The following CSNK1E variants were observed in gnomAD, a reference collection of about 807,000 sequenced individuals.
CSNK1E encodes the protein casein kinase 1 epsilon.
CSNK1E carries 17 observed loss-of-function variants against 46.1 expected under a neutral mutation model. That is an observed-to-expected ratio of 0.37 (90% CI 0.25 to 0.55). CSNK1E has a LOEUF of 0.55. Ranked by LOEUF, CSNK1E falls within the 20% of genes least tolerant of loss-of-function variation. The pLI, the probability that CSNK1E is intolerant of heterozygous loss-of-function variation, is 0.82. For synonymous variants in CSNK1E, 241 were observed against 242.6 expected (o/e 0.99, Z 0.06); for missense variants, 386 against 595.4 (o/e 0.65, Z 3.66).
chr22:38,294,540 G>A lies in CSNK1E; in HGVS notation c.886-6C>T, dbSNP rs2092629868. 6.3e-7 allele frequency: 1 copy of A among 1,577,224 alleles called. No individual in the cohort carries two copies. Among genetic ancestry groups the A allele is most frequent in the Non-Finnish European group, 8.6e-7 (1 of 1,163,396 alleles). On this transcript the variant is annotated splice_polypyrimidine_tract_variant and splice_region_variant and intron_variant, in intron 7 of 10. Transcript: ENST00000396832. This position sits in a 1 kb window ranked among gnomAD's most constrained non-coding sequence, Gnocchi z 5.5. ...TCGGGATTCCGGGCTGCACCCTGCA[G>A]GGATGCAAGAAAAGACACCAGTCAG...
rs2092631844 is a variant in CSNK1E at position 38,294,926 on chromosome 22, C to T, written c.886-392G>A. 6.6e-6 allele frequency among the ~76,000 whole-genome samples: 1 copy of T among 152,204 alleles called. No individual in the cohort carries two copies. Among genetic ancestry groups the T allele is most frequent in the Non-Finnish European group, 1.5e-5 (1 of 68,040 alleles). ...CCTTAACTACTCAAGGTTGCTAAAC[C>T]GAGCAGGAAAGCTGTTTAGAGGCCT... On this transcript the variant is annotated intron_variant, in intron 7 of 10. Coordinates refer to ENST00000396832, the MANE Select transcript of CSNK1E (RefSeq NM_152221.3). The surrounding 1 kb of genome is among the most constrained non-coding windows in gnomAD (Gnocchi z 5.5).
rs908906403 is a variant in CSNK1E at position 38,294,302 on chromosome 22, C to T, written c.1078+40G>A. 7 of 1,595,814 alleles carry T rather than the reference C, an allele frequency of 4.4e-6. No individual in the cohort carries two copies. Among genetic ancestry groups the T allele is most frequent in the Admixed American group, 1.7e-5 (1 of 58,952 alleles). On this transcript the variant is annotated intron_variant, in intron 8 of 10. Transcript: ENST00000396832. The surrounding 1 kb of genome is among the most constrained non-coding windows in gnomAD (Gnocchi z 5.5). ...GAGTAGGCACAAACAGAGCCCCCCA[C>T]CCACCCTGAACCCAGCCCACTGCCT... is the stretch of plus-strand genomic sequence containing the variant.
At chr22:38,310,023 C>T (rs866912652) in intron 2 of CSNK1E, among the ~76,000 whole-genome samples, 3 of 152,290 alleles carry the variant, frequency 2.0e-5, no homozygotes, top group Non-Finnish European at 2.9e-5. Flanking sequence ...GGTTCAGAAA[C>T]GTTAGGTAAC....
rs2092713778 is a variant in CSNK1E at position 38,309,935 on chromosome 22, T to C, written c.76+4147A>G. On this transcript the variant is annotated intron_variant, in intron 2 of 10. Transcript: ENST00000396832. The surrounding 1 kb of genome is among the most constrained non-coding windows in gnomAD (Gnocchi z 4.8). ...GCAGGTCCTGCCACCAATGAGTTCC[T>C]TGGTGGCCTCTAAATTCTATCAGGA... 1.3e-5 allele frequency among the ~76,000 whole-genome samples: 2 copies of C among 152,336 alleles called. No homozygotes were observed. Among genetic ancestry groups the C allele is most frequent in the South Asian group, 4.1e-4 (2 of 4,830 alleles).
intron 9 of CSNK1E, among the ~76,000 whole-genome samples, chr22:38,293,586 C>T (rs1049154925): frequency 2.6e-5 from 4 of 152,060 alleles, no homozygotes; most frequent in Admixed American, 1.3e-4. Flanking sequence ...AGGGTTCTCT[C>T]GCAGGACTCC....
chr22:38,302,763 C>G, intron 4 of CSNK1E, 98 bp downstream of exon 4: 1 of 1,450,390 alleles, frequency 6.9e-7, no homozygotes. Context: ...GGTCCCCTGG[C>G]CCAGGCCCAT....
At position 38,298,670 on chromosome 22, in the gene CSNK1E, A is replaced by T; in HGVS notation, c.885+116T>A. On this transcript the variant is annotated intron_variant, in intron 7 of 10. Transcript: ENST00000396832. This position sits in a 1 kb window ranked among gnomAD's most constrained non-coding sequence, Gnocchi z 4.2. ...CCCAGTGAGGTCAACCACACTGTCC[A>T]GCTCGTACCTCCCGTCTGTCGGGAG... 8.1e-7 allele frequency: 1 copy of T among 1,227,212 alleles called. No homozygotes were observed. Among genetic ancestry groups the T allele is most frequent in the East Asian group, 2.3e-5 (1 of 42,746 alleles). 76.0% of individuals were successfully genotyped at this position (1,227,212 alleles called of 1,614,324 possible). A position where few individuals can be genotyped will look rare whatever the true frequency, so the allele number is the denominator to read the frequency against.
At chr22:38,301,454 A>G (rs1248462684) in intron 4 of CSNK1E, among the ~76,000 whole-genome samples, 3 of 151,486 alleles carry the variant, frequency 2.0e-5, no homozygotes, top group Non-Finnish European at 4.4e-5. Flanking sequence ...TTTTTTTGAG[A>G]TGGAGTCTCG....
Position 38,300,851 on chromosome 22 carries a change from G to A in CSNK1E, c.438C>T (p.Tyr146=). Residue 146 remains tyrosine, a synonymous_variant, in exon 5 of 11, where the codon TAC becomes TAT. Coordinates refer to ENST00000396832, the MANE Select transcript of CSNK1E (RefSeq NM_152221.3). This position sits in a 1 kb window ranked among gnomAD's most constrained non-coding sequence, Gnocchi z 4.4. ...TCTTGGCCAGGCCGAAGTCGATGAT[G>A]TAGACCAGGTTGCCCTTCTTCCCCA... ...MGLGKKGNLV[Y]IIDFGLAKKY... The A allele has an allele frequency of 1.2e-6, 2 of 1,614,252 alleles. No homozygotes were observed. The highest frequency in any genetic ancestry group is 1.7e-6 in the Non-Finnish European group (2 of 1,180,036).
At chr22:38,316,490 GCTTGGGAAT>G (rs1487035760) in intron 1 of CSNK1E, among the ~76,000 whole-genome samples, 1 of 152,238 alleles carries the variant, frequency 6.6e-6, no homozygotes, top group East Asian at 1.9e-4. Context: ...ATTAACAAGA[GCTTGGGAAT>G]CCTCTAACGA....
chr22:38,308,535 C>T (rs1014744864), intron 2 of CSNK1E, among the ~76,000 whole-genome samples: 1 of 152,094 alleles, frequency 6.6e-6, no homozygotes, highest in Admixed American at 6.6e-5. Context: ...CCCTCTGAGC[C>T]CCAGGTACCT....
rs145555706 is a variant in CSNK1E at position 38,302,850 on chromosome 22, C to T, written c.336+11G>A. On this transcript the variant is annotated intron_variant, in intron 4 of 10. Coordinates refer to ENST00000396832, the MANE Select transcript of CSNK1E (RefSeq NM_152221.3). ...GGCATCTGGCTGGGGATGGAGGGGA[C>T]GGGGACTCACCATCTGGTCGGCCAA... The T allele has an allele frequency of 1.8e-4, 288 of 1,613,630 alleles. No individual in the cohort carries two copies. The African/African-American group carries it at 2.1e-3, about 12-fold the overall frequency.
chr22:38,298,254 G>T lies in CSNK1E; in HGVS notation c.885+532C>A. The T allele has an allele frequency of 1.6e-6, 2 of 1,282,144 alleles. No individual in the cohort carries two copies. Among genetic ancestry groups the T allele is most frequent in the Non-Finnish European group, 2.1e-6 (2 of 974,038 alleles). The allele number at this position is 1,282,144 out of a possible 1,614,324, so 79.4% of individuals were successfully genotyped here. On this transcript the variant is annotated intron_variant, in intron 7 of 10. Transcript: ENST00000396832. This position sits in a 1 kb window ranked among gnomAD's most constrained non-coding sequence, Gnocchi z 4.2. ...GACATACAATTTCACAGATTCCAGA[G>T]CTCTGGGTACGGCCGGCCAATGCTG...
chr22:38,300,748 A>C lies in CSNK1E; in HGVS notation c.541T>G (p.Ser181Ala), dbSNP rs2092667614. The change falls in exon 5 of 11, where the codon TCC becomes GCC. Residue 181 changes from serine (S) to alanine (A), a missense_variant. Ser to Ala is a moderately conservative substitution (Grantham distance 99). This residue lies in a region of CSNK1E where 212 missense variants were observed against 410.2 expected (regional missense o/e 0.52). Coordinates refer to ENST00000396832, the MANE Select transcript of CSNK1E (RefSeq NM_152221.3). The surrounding 1 kb of genome is among the most constrained non-coding windows in gnomAD (Gnocchi z 4.4). ...KNLTGTARYASINTHLGIEQS... is the reference protein window; with the variant it reads ...KNLTGTARYAAINTHLGIEQS... Reference sequence around the variant, plus strand: ...CCAATGCCCAGGTGCGTGTTGATGGAAGCGTAGCGGGCCGTGCCGGTCAGG... The same window carrying C: ...CCAATGCCCAGGTGCGTGTTGATGGCAGCGTAGCGGGCCGTGCCGGTCAGG... 4 of 1,614,166 alleles carry C rather than the reference A, an allele frequency of 2.5e-6. No individual in the cohort carries two copies. Among genetic ancestry groups the C allele is most frequent in the Non-Finnish European group, 3.4e-6 (4 of 1,180,010 alleles).
intron 1 of CSNK1E, among the ~76,000 whole-genome samples, chr22:38,315,003 A>G (rs1383360693): frequency 6.6e-6 from 1 of 152,200 alleles, no homozygotes; most frequent in Non-Finnish European, 1.5e-5. Flanking sequence ...GACAGGGACC[A>G]GGGACTGCAG....
chr22:38,301,360 T>C (rs1052089950), intron 4 of CSNK1E, among the ~76,000 whole-genome samples: 2 of 151,386 alleles, frequency 1.3e-5, no homozygotes, highest in African/African-American at 4.9e-5. Flanking sequence ...CAGGAAGAGG[T>C]GACAGAGGCA....
At chr22:38,308,360 G>C (rs766286289) in intron 2 of CSNK1E, among the ~76,000 whole-genome samples, 6 of 152,104 alleles carry the variant, frequency 3.9e-5, no homozygotes, top group Non-Finnish European at 7.4e-5. Context: ...GGTTTCCAGG[G>C]GACAGTGAGG....
At chr22:38,296,125 C>G in intron 7 of CSNK1E, 1 of 986,876 alleles carries the variant, frequency 1.0e-6, no homozygotes. Flanking sequence ...CAGGCTCAGG[C>G]CATTGCCAGC....
intron 1 of CSNK1E, among the ~76,000 whole-genome samples, chr22:38,314,944 T>C (rs572155957): frequency 6.6e-6 from 1 of 152,256 alleles, no homozygotes; most frequent in Non-Finnish European, 1.5e-5. Context: ...ACCCTGTTCC[T>C]GGTCAGCAGA....
Sources: allele counts gnomAD v4.1 joint callset (sites outside exome capture counted in the v4.1 genomes callset), GRCh38; gene constraint gnomAD v4.1.1; regional missense constraint gnomAD v4.1.1; non-coding constraint Gnocchi (gnomAD v3.1); transcripts MANE v1.5; gene names NCBI Gene and HGNC (gene_info 2026-07-23, HGNC 2026-07-21).